XPO7: variants seen among roughly 807,000 people sequenced by gnomAD.
The protein encoded by XPO7 is exportin 7.
In XPO7, 21 loss-of-function variants were observed where a neutral mutation model predicts 144.3. That is an observed-to-expected ratio of 0.15 (90% CI 0.10 to 0.21). XPO7 has a LOEUF of 0.21. Ranked by LOEUF, XPO7 falls within the 10% of genes least tolerant of loss-of-function variation. The pLI is 1.00. For synonymous variants in XPO7, 580 were observed against 499.6 expected (o/e 1.16, Z -2.15); for missense variants, 808 against 1,325.8 (o/e 0.61, Z 6.06).
At chr8:21,995,829 T>G (rs1812929106) in intron 21 of XPO7, among the ~76,000 whole-genome samples, 1 of 152,222 alleles carries the variant, frequency 6.6e-6, no homozygotes, top group Non-Finnish European at 1.5e-5. Flanking sequence ...TTGTCTTGTT[T>G]TTTTTGAGGC....
At chr8:21,997,710 C>T (rs1486949292) in intron 21 of XPO7, among the ~76,000 whole-genome samples, 1 of 152,072 alleles carries the variant, frequency 6.6e-6, no homozygotes, top group Non-Finnish European at 1.5e-5. Context: ...TTAAAATGAT[C>T]TCATTTAAGT....
chr8:21,937,581 C>G (rs369361067), intron 1 of XPO7, among the ~76,000 whole-genome samples: 160 of 152,278 alleles, frequency 1.1e-3, no homozygotes, highest in African/African-American at 3.7e-3. Context: ...CAACAGCTGC[C>G]ATTTGTCAAC....
At chr8:21,980,431 A>G (rs1812366523) in intron 9 of XPO7, among the ~76,000 whole-genome samples, 1 of 152,180 alleles carries the variant, frequency 6.6e-6, no homozygotes, top group South Asian at 2.1e-4. Context: ...TCACTTCGCT[A>G]TAAGGAAATA....
At chr8:21,931,017 A>AT (rs990793074) in intron 1 of XPO7, among the ~76,000 whole-genome samples, 2 of 151,490 alleles carry the variant, frequency 1.3e-5, no homozygotes, top group African/African-American at 4.9e-5. Flanking sequence ...TAATTGTTGT[A>AT]TTTTTTGGTA....
chr8:21,986,743 A>T (rs1174533837), intron 13 of XPO7, among the ~76,000 whole-genome samples: 1 of 152,248 alleles, frequency 6.6e-6, no homozygotes, highest in African/African-American at 2.4e-5. Flanking sequence ...ATGGAGTCTC[A>T]TTCACTCATG....
At chr8:21,936,673 G>T (rs1810831738) in intron 1 of XPO7, among the ~76,000 whole-genome samples, 1 of 152,140 alleles carries the variant, frequency 6.6e-6, no homozygotes, top group African/African-American at 2.4e-5. Context: ...GTGTATATTA[G>T]CATACTAAAG....
intron 11 of XPO7, among the ~76,000 whole-genome samples, chr8:21,984,018 AT>A (rs1439023400): frequency 6.6e-6 from 1 of 152,154 alleles, no homozygotes; most frequent in Non-Finnish European, 1.5e-5. Flanking sequence ...GACAAAAGAA[AT>A]TTCCTCATCA....
At chr8:21,963,646 G>T (rs1811795646) in intron 1 of XPO7, among the ~76,000 whole-genome samples, 1 of 149,936 alleles carries the variant, frequency 6.7e-6, no homozygotes, top group African/African-American at 2.5e-5. Context: ...AGTGAGCCGA[G>T]ATCACATCAC....
chr8:21,955,099 A>G (rs1423672789), intron 1 of XPO7, among the ~76,000 whole-genome samples: 1 of 152,262 alleles, frequency 6.6e-6, no homozygotes, highest in Non-Finnish European at 1.5e-5. Flanking sequence ...GTTCTCAAAT[A>G]GCTGAATATT....
At chr8:21,954,654 G>A (rs948862786) in intron 1 of XPO7, among the ~76,000 whole-genome samples, 4 of 151,872 alleles carry the variant, frequency 2.6e-5, no homozygotes, top group Non-Finnish European at 5.9e-5. Flanking sequence ...ATAAATAAAT[G>A]AAATAAATAA....
chr8:21,994,782 G>A (rs867873446), intron 20 of XPO7, among the ~76,000 whole-genome samples: 4 of 152,130 alleles, frequency 2.6e-5, no homozygotes, highest in African/African-American at 9.7e-5. Context: ...GGCCAGGCAC[G>A]GTGGCTCACG....
At chr8:21,935,061 A>T (rs936855517) in intron 1 of XPO7, among the ~76,000 whole-genome samples, 8 of 152,132 alleles carry the variant, frequency 5.3e-5, no homozygotes, top group African/African-American at 1.9e-4. Context: ...TTTGCATTGT[A>T]TGTAGGCATT....
Position 21,919,797 on chromosome 8 carries a change from A to T in XPO7, c.18+9A>T. Reference sequence around the variant, plus strand: ...TGGCGGATCATGTGCAGGTGAGAGGAGCCGCGGGGGGGAGGGGGCGACCAC... The same window carrying T: ...TGGCGGATCATGTGCAGGTGAGAGGTGCCGCGGGGGGGAGGGGGCGACCAC... On this transcript the variant is annotated intron_variant, in intron 1 of 27. Coordinates refer to ENST00000252512, the MANE Select transcript of XPO7 (RefSeq NM_015024.5). The T allele has an allele frequency of 4.7e-6, 2 of 425,378 alleles. No homozygotes were observed. The highest frequency in any genetic ancestry group is 3.7e-6 in the Non-Finnish European group (1 of 267,142). The allele number at this position is 425,378 out of a possible 1,614,324, so 26.4% of individuals were successfully genotyped here.
At chr8:21,937,890 C>A (rs1585422299) in intron 1 of XPO7, among the ~76,000 whole-genome samples, 1 of 152,090 alleles carries the variant, frequency 6.6e-6, no homozygotes, top group East Asian at 1.9e-4. Flanking sequence ...AAAGTAGATA[C>A]AAATTTTGCA....
chr8:21,991,847 C>G, intron 18 of XPO7, 21 bp from the exon 19 acceptor site: 1 of 1,593,872 alleles, frequency 6.3e-7, no homozygotes, highest in Non-Finnish European at 8.6e-7. Flanking sequence ...GGGGTTACAC[C>G]CTGGGATGTT....
chr8:21,946,013 T>C (rs1386424618), intron 1 of XPO7, among the ~76,000 whole-genome samples: 2 of 152,206 alleles, frequency 1.3e-5, no homozygotes, highest in African/African-American at 4.8e-5. Flanking sequence ...CTTGGAGTTG[T>C]TAGCTCCCCA....
Position 21,966,880 on chromosome 8 carries a change from G to A in XPO7, c.42G>A (p.Leu14=). 2 of 1,613,694 alleles carry A rather than the reference G, an allele frequency of 1.2e-6. No homozygotes were observed. Among genetic ancestry groups the A allele is most frequent in the Non-Finnish European group, 1.7e-6 (2 of 1,179,720 alleles). Residue 14 remains leucine, a synonymous_variant, in exon 2 of 28, where the codon CTG becomes CTA. Coordinates refer to ENST00000252512, the MANE Select transcript of XPO7 (RefSeq NM_015024.5). The part of the protein sequence containing the change: ...HVQSLAQLEN[L]CKQLYETTDT... ...AGAGCCTGGCCCAACTAGAGAATCT[G>A]TGCAAACAGCTGTATGAAACCACAG...
intron 20 of XPO7, 116 bp downstream of exon 20, chr8:21,994,567 A>T (rs1479468323): frequency 3.2e-6 from 3 of 933,074 alleles, no homozygotes; most frequent in Non-Finnish European, 3.2e-6. Context: ...GAGAAGATGA[A>T]GAGTTAGCCA....
Position 21,991,974 on chromosome 8 carries a change from G to A in XPO7, c.2148G>A (p.Lys716=). The change falls in exon 19 of 28, where the codon AAG becomes AAA. Residue 716 remains lysine, a splice_region_variant and synonymous_variant. Transcript: ENST00000252512. Reference sequence around the variant, plus strand: ...ATAGTTTCAACGAGCAGGAGGCAAAGGTGAGTGAGTCTTTCACCCAGTAAT... The same window carrying A: ...ATAGTTTCAACGAGCAGGAGGCAAAAGTGAGTGAGTCTTTCACCCAGTAAT... ...STNSFNEQEA[K]RTLVGLVRDL... is the part of the protein sequence containing the mutation. 6.2e-7 allele frequency: 1 copy of A among 1,611,752 alleles called. No homozygotes were observed. Among genetic ancestry groups the A allele is most frequent in the Non-Finnish European group, 8.5e-7 (1 of 1,178,842 alleles).
Sources: allele counts gnomAD v4.1 joint callset (sites outside exome capture counted in the v4.1 genomes callset), GRCh38; gene constraint gnomAD v4.1.1; transcripts MANE v1.5; gene names NCBI Gene and HGNC (gene_info 2026-07-23, HGNC 2026-07-21).